ARID4A: variants seen among roughly 807,000 people sequenced by gnomAD.
The protein encoded by ARID4A is AT-rich interactive domain-containing protein 4A.
In ARID4A, 39 loss-of-function variants were observed where a neutral mutation model predicts 148.6. The observed-to-expected ratio is 0.26, with a 90% CI of 0.20 to 0.34. The LOEUF (loss-of-function observed/expected upper bound fraction) is 0.34, where lower values mean the gene tolerates loss of function less well. ARID4A is among the 10% of genes least tolerant of loss of function. ARID4A has a pLI of 1.00. For missense variants in ARID4A, 1,265 were observed against 1,449.1 expected (o/e 0.87, Z 2.06); for synonymous variants, 475 against 481.2 (o/e 0.99, Z 0.17).
chr14:58,354,293 A>G (rs1231271800), intron 17 of ARID4A, among the ~76,000 whole-genome samples: 1 of 152,230 alleles, frequency 6.6e-6, no homozygotes, highest in Non-Finnish European at 1.5e-5. Flanking sequence ...TCAGAAATCA[A>G]GCCTATGTCA....
chr14:58,324,448 T>A (rs2033105365), intron 8 of ARID4A, among the ~76,000 whole-genome samples: 1 of 152,068 alleles, frequency 6.6e-6, no homozygotes, highest in Non-Finnish European at 1.5e-5. Context: ...GCTATTTTTT[T>A]ATTTTTTATT....
At position 58,366,984 on chromosome 14, in the gene ARID4A, A is replaced by G; in HGVS notation, c.3625A>G (p.Thr1209Ala). Residue 1209 changes from threonine to alanine, a missense_variant, in exon 23 of 24, where the codon ACC (threonine) becomes GCC (alanine). Thr to Ala is a moderately conservative substitution (Grantham distance 58). Transcript: ENST00000355431. Reference protein sequence around the residue: ...YYMSLKSEVATIDRRRKRLKK... With the variant: ...YYMSLKSEVAAIDRRRKRLKK... ...TATGTCTTTGAAGTCTGAAGTTGCA[A>G]CCATAGACAGGAGGAGAAAAAGATT... 1.3e-6 allele frequency: 2 copies of G among 1,516,030 alleles called. No homozygotes were observed. Among genetic ancestry groups the G allele is most frequent in the Non-Finnish European group, 1.7e-6 (2 of 1,143,252 alleles). 93.9% of individuals were successfully genotyped at this position (1,516,030 alleles called of 1,614,324 possible).
chr14:58,371,880 CCA>C lies in ARID4A; in HGVS notation c.3671-3_3671-2del. On this transcript the variant is annotated splice_polypyrimidine_tract_variant and splice_region_variant and intron_variant, in intron 23 of 23. Transcript: ENST00000355431. ...TGGATCTAACATAGTTGTTTTGATT[CCA>C]CAGTGTCTCATGCGGGAGCCTCCAT... 1 of 1,608,692 alleles carries C rather than the reference CCA, an allele frequency of 6.2e-7. No individual in the cohort carries two copies. The highest frequency in any genetic ancestry group is 8.5e-7 in the Non-Finnish European group (1 of 1,175,330).
intron 19 of ARID4A, among the ~76,000 whole-genome samples, 158 bp from the exon 20 acceptor site, chr14:58,364,012 C>G (rs888254786): frequency 6.6e-6 from 1 of 152,044 alleles, no homozygotes; most frequent in African/African-American, 2.4e-5. Context: ...ATTCTTGGCA[C>G]AAATGTTATG....
At chr14:58,351,032 T>C in intron 15 of ARID4A, 41 bp from the exon 16 acceptor site, 1 of 1,550,166 alleles carries the variant, frequency 6.5e-7, no homozygotes, top group Non-Finnish European at 8.6e-7. Context: ...TTTTCCCCTT[T>C]ATAGTGATAG....
chr14:58,366,335 T>A, intron 22 of ARID4A, 105 bp downstream of exon 22: 1 of 891,128 alleles, frequency 1.1e-6, no homozygotes, highest in Non-Finnish European at 1.7e-6. Flanking sequence ...AATGATTAAC[T>A]ATTTAGATAT....
chr14:58,369,551 G>A (rs544169743), intron 23 of ARID4A, among the ~76,000 whole-genome samples: 72 of 150,388 alleles, frequency 4.8e-4, no homozygotes, highest in African/African-American at 1.2e-3. Flanking sequence ...ACTTGAACCC[G>A]GAAGTGAGCA....
chr14:58,315,140 A>G (rs2032322796), intron 5 of ARID4A, among the ~76,000 whole-genome samples: 1 of 152,050 alleles, frequency 6.6e-6, no homozygotes, highest in Non-Finnish European at 1.5e-5. Context: ...ATAAATCTTA[A>G]ATTATTTCTT....
chr14:58,348,016 T>C, intron 15 of ARID4A, 138 bp downstream of exon 15: 1 of 606,182 alleles, frequency 1.6e-6, no homozygotes, highest in Non-Finnish European at 2.8e-6. Flanking sequence ...GCTAGCTACT[T>C]TTTTCGAAAT....
intron 8 of ARID4A, among the ~76,000 whole-genome samples, chr14:58,323,959 C>T (rs1213738215): frequency 8.0e-6 from 1 of 125,418 alleles, no homozygotes; most frequent in Non-Finnish European, 1.6e-5. Context: ...GGTTGGAGTG[C>T]AGTGGCGCGA....
intron 5 of ARID4A, among the ~76,000 whole-genome samples, chr14:58,317,451 AT>A (rs544348441): frequency 1.6e-4 from 24 of 148,502 alleles, no homozygotes; most frequent in Non-Finnish European, 2.8e-4. Flanking sequence ...CGTCTGGCTA[AT>A]TTTTTTTGTA....
At chr14:58,319,261 G>C (rs965801425) in intron 7 of ARID4A, among the ~76,000 whole-genome samples, 1 of 150,728 alleles carries the variant, frequency 6.6e-6, no homozygotes, top group African/African-American at 2.4e-5. Context: ...TAGAGATGGG[G>C]TTTCACCATA....
At chr14:58,346,903 G>C in intron 13 of ARID4A, 117 bp from the exon 14 acceptor site, 1 of 415,144 alleles carries the variant, frequency 2.4e-6, no homozygotes, top group Non-Finnish European at 3.7e-6. Flanking sequence ...TCTCCAGCCT[G>C]GGCGACAGAG....
At chr14:58,349,089 A>G (rs1047702952) in intron 15 of ARID4A, among the ~76,000 whole-genome samples, 13 of 152,156 alleles carry the variant, frequency 8.5e-5, no homozygotes, top group Non-Finnish European at 1.6e-4. Flanking sequence ...GTACTTTTAT[A>G]TAAGTGAAAT....
intron 8 of ARID4A, among the ~76,000 whole-genome samples, chr14:58,323,896 C>CT (rs545318449): frequency 0.031 from 3,202 of 104,208 alleles, 681 homozygotes; most frequent in Non-Finnish European, 0.052. Context: ...CTTAGGTTCC[C>CT]TTTTTTTTTT....
chr14:58,364,450 A>T lies in ARID4A; in HGVS notation c.2361A>T (p.Glu787Asp). Residue 787 changes from glutamate to aspartate, a missense_variant, in exon 20 of 24, where the codon GAA (glutamate) becomes GAT (aspartate). By Grantham distance (45) the Glu-to-Asp change is conservative. This residue lies in a region of ARID4A where 666 missense variants were observed against 730.9 expected (regional missense o/e 0.91). Coordinates refer to ENST00000355431, the MANE Select transcript of ARID4A (RefSeq NM_002892.4). The stretch of plus-strand genomic sequence containing the variant: ...CAGAAGAAGTTAAGAAAGAAGCCGA[A>T]AAATCTCCAAAAGGAAAGGGAAGAC... ...EKTEEVKKEA[E>D]KSPKGKGRRS... 6.2e-7 allele frequency: 1 copy of T among 1,613,384 alleles called. No homozygotes were observed. Among genetic ancestry groups the T allele is most frequent in the South Asian group, 1.1e-5 (1 of 90,890 alleles).
intron 18 of ARID4A, 106 bp from the exon 19 acceptor site, chr14:58,360,795 A>G: frequency 8.3e-7 from 1 of 1,209,926 alleles, no homozygotes; most frequent in Non-Finnish European, 1.2e-6. Flanking sequence ...GAAGTGACAT[A>G]TAAAATATCA....
chr14:58,323,596 G>A lies in ARID4A; in HGVS notation c.561G>A (p.Arg187=), dbSNP rs1372344792. Residue 187 remains arginine, a synonymous_variant, in exon 8 of 24, where the codon AGG becomes AGA. Transcript: ENST00000355431. The part of the protein sequence containing the change: ...KVVSVVSATE[R]TEWYPALVIS... ...TAAGTGTGGTGTCTGCAACGGAGAG[G>A]ACTGAATGGTATCCTGCTTTGGTAA... The A allele has an allele frequency of 1.2e-6, 2 of 1,613,868 alleles. No homozygotes were observed. The highest frequency in any genetic ancestry group is 8.5e-7 in the Non-Finnish European group (1 of 1,179,920).
chr14:58,367,860 C>T (rs936370770), intron 23 of ARID4A, among the ~76,000 whole-genome samples: 5 of 152,184 alleles, frequency 3.3e-5, no homozygotes, highest in Non-Finnish European at 7.3e-5. Flanking sequence ...ACTACTGTAA[C>T]TGTCCCAGCA....
Sources: allele counts gnomAD v4.1 joint callset (sites outside exome capture counted in the v4.1 genomes callset), GRCh38; gene constraint gnomAD v4.1.1; regional missense constraint gnomAD v4.1.1; transcripts MANE v1.5; gene names NCBI Gene and HGNC (gene_info 2026-07-23, HGNC 2026-07-21).